The following SPOCK3 variants were observed in gnomAD, a reference collection of about 807,000 sequenced individuals.
SPOCK3 encodes the protein SPARC (osteonectin), cwcv and kazal like domains proteoglycan 3, also known as testican-3.
A neutral mutation model predicts 56.6 loss-of-function variants in SPOCK3; 30 were observed. That is an observed-to-expected ratio of 0.53 (90% confidence interval 0.40 to 0.72). The LOEUF (loss-of-function observed/expected upper bound fraction) is 0.72. Among genes scored for constraint, SPOCK3 ranks in the 30% least tolerant of loss-of-function variants. The pLI, the probability that SPOCK3 is intolerant of heterozygous loss-of-function variation, is 0.00. For synonymous variants in SPOCK3, 196 were observed against 183.3 expected (o/e 1.07, Z -0.56); for missense variants, 527 against 530.0 (o/e 0.99, Z 0.06).
intron 4 of SPOCK3, among the ~76,000 whole-genome samples, chr4:166,945,588 A>C (rs1741625540): frequency 6.6e-6 from 1 of 151,944 alleles, no homozygotes; most frequent in Non-Finnish European, 1.5e-5. Context: ...ATCACCACTT[A>C]TTTTCTCACC....
At chr4:167,109,471 ATATATT>A (rs1339128985) in intron 2 of SPOCK3, among the ~76,000 whole-genome samples, 1 of 103,478 alleles carries the variant, frequency 9.7e-6, no homozygotes, top group African/African-American at 3.5e-5. Flanking sequence ...TATAGTTATA[ATATATT>A]TATATAAAAT....
At chr4:167,001,802 G>T (rs914366592) in intron 3 of SPOCK3, among the ~76,000 whole-genome samples, 2 of 152,138 alleles carry the variant, frequency 1.3e-5, no homozygotes, top group African/African-American at 4.8e-5. Context: ...GGAATATGCA[G>T]AAGTATTTGG....
chr4:167,002,196 T>C (rs1749013472), intron 3 of SPOCK3, among the ~76,000 whole-genome samples: 1 of 152,106 alleles, frequency 6.6e-6, no homozygotes, highest in Non-Finnish European at 1.5e-5. Context: ...TGACCCGAAA[T>C]GATCCACCCA....
At chr4:167,095,988 C>G (rs1334963218) in intron 2 of SPOCK3, among the ~76,000 whole-genome samples, 2 of 151,446 alleles carry the variant, frequency 1.3e-5, no homozygotes, top group Non-Finnish European at 3.0e-5. Context: ...GAATTTGATT[C>G]TAAAGAAAAA....
intron 6 of SPOCK3, among the ~76,000 whole-genome samples, chr4:166,863,135 C>A (rs1487605456): frequency 6.6e-6 from 1 of 152,016 alleles, no homozygotes; most frequent in African/African-American, 2.4e-5. Context: ...CAATTTTCAA[C>A]CCAGAATTTC....
At chr4:166,851,465 G>A (rs1432116272) in intron 6 of SPOCK3, among the ~76,000 whole-genome samples, 1 of 152,228 alleles carries the variant, frequency 6.6e-6, no homozygotes, top group Non-Finnish European at 1.5e-5. Flanking sequence ...AAAGCTGGAC[G>A]GAGAATGACT....
At chr4:166,946,844 G>C (rs116507883) in intron 4 of SPOCK3, among the ~76,000 whole-genome samples, 3,297 of 152,202 alleles carry the variant, frequency 0.022, 49 homozygotes, top group Middle Eastern at 0.044. Context: ...ACAGTATCTG[G>C]CACATCGTAG....
intron 8 of SPOCK3, among the ~76,000 whole-genome samples, chr4:166,752,703 G>T (rs1736578954): frequency 1.3e-5 from 2 of 151,774 alleles, no homozygotes; most frequent in South Asian, 4.2e-4. Flanking sequence ...TAAATTAATG[G>T]TGATTTTTTA....
rs147015731 is a variant in SPOCK3, at chr4:166,847,647, TTATATATATATA to T, written c.589+41471_589+41482del. Among the ~76,000 whole-genome samples the T allele has an allele frequency of 3.7e-3, 204 of 55,410 alleles. 10 individuals carry two copies. Among genetic ancestry groups the T allele is most frequent in the Non-Finnish European group, 6.7e-3 (163 of 24,268 alleles). The allele number at this position is 55,410 out of a possible 152,430, so 36.4% of individuals were successfully genotyped here. ...CACAATTCAAAAGGAAAATCCTAGT[TTATATATATATA>T]TATATATATATATATATATATAAGA... On this transcript the variant is annotated intron_variant, in intron 6 of 10. Coordinates refer to ENST00000357545, the MANE Select transcript of SPOCK3 (RefSeq NM_001040159.2).
At chr4:167,205,427 TA>T (rs1734112986) in intron 2 of SPOCK3, among the ~76,000 whole-genome samples, 2 of 49,864 alleles carry the variant, frequency 4.0e-5, no homozygotes, top group Admixed American at 3.9e-4. Flanking sequence ...ATATATAATA[TA>T]TAATATATAA....
intron 8 of SPOCK3, among the ~76,000 whole-genome samples, chr4:166,743,707 A>C (rs544963770): frequency 2.6e-5 from 4 of 152,320 alleles, no homozygotes; most frequent in African/African-American, 9.6e-5. Flanking sequence ...TTCCCAGCCA[A>C]GGGAAGCCGT....
At chr4:167,091,867 T>C (rs1758730896) in intron 2 of SPOCK3, among the ~76,000 whole-genome samples, 1 of 152,132 alleles carries the variant, frequency 6.6e-6, no homozygotes, top group South Asian at 2.1e-4. Flanking sequence ...ATTATGTAAG[T>C]TTTTCTTCCC....
Position 166,735,044 on chromosome 4 carries a change from A to T in SPOCK3, c.1179T>A (p.His393Gln). The T allele has an allele frequency of 1.2e-6, 2 of 1,601,994 alleles. No individual in the cohort carries two copies. Among genetic ancestry groups the T allele is most frequent in the Non-Finnish European group, 1.7e-6 (2 of 1,170,714 alleles). Residue 393 changes from histidine to glutamine, a missense_variant, in exon 11 of 11, where the codon CAT becomes CAA. By Grantham distance (24) the His-to-Gln change is conservative. Coordinates refer to ENST00000357545, the MANE Select transcript of SPOCK3 (RefSeq NM_001040159.2). ...CATCATCCTCATCATCAGTCCATTCATGAAAATCGCCACTAGCAAAATCTC... is the reference window on the plus strand; with the variant it reads ...CATCATCCTCATCATCAGTCCATTCTTGAAAATCGCCACTAGCAAAATCTC... ...ISGDFASGDF[H>Q]EWTDDEDDED...
intron 8 of SPOCK3, among the ~76,000 whole-genome samples, chr4:166,743,570 T>A (rs1735156586): frequency 6.6e-6 from 1 of 152,180 alleles, no homozygotes; most frequent in South Asian, 2.1e-4. Context: ...TTTCTGCATT[T>A]CCAACTGAGG....
chr4:166,999,814 C>T (rs952045438), intron 4 of SPOCK3, among the ~76,000 whole-genome samples: 1 of 152,098 alleles, frequency 6.6e-6, no homozygotes, highest in East Asian at 1.9e-4. Flanking sequence ...GAAATCCTCC[C>T]TTCTTTTTTA....
At chr4:167,054,210 G>T (rs139148515) in intron 3 of SPOCK3, among the ~76,000 whole-genome samples, 1,867 of 152,286 alleles carry the variant, frequency 0.012, 22 homozygotes, top group Non-Finnish European at 0.018. Flanking sequence ...CAACTGTCAA[G>T]ATTCACTGCT....
At chr4:167,071,091 G>C (rs1756630233) in intron 2 of SPOCK3, among the ~76,000 whole-genome samples, 1 of 151,954 alleles carries the variant, frequency 6.6e-6, no homozygotes. Flanking sequence ...ATTTGTCTCT[G>C]AAAGTCTCTG....
At chr4:166,995,836 C>T (rs1748310738) in intron 4 of SPOCK3, among the ~76,000 whole-genome samples, 1 of 152,032 alleles carries the variant, frequency 6.6e-6, no homozygotes, top group South Asian at 2.1e-4. Context: ...TTAAATGTCT[C>T]TCAAGTATAA....
intron 6 of SPOCK3, among the ~76,000 whole-genome samples, chr4:166,802,011 G>A (rs1048571145): frequency 1.3e-5 from 2 of 152,072 alleles, no homozygotes; most frequent in African/African-American, 4.8e-5. Flanking sequence ...CTGTTCAATT[G>A]TGAGATATGT....
Sources: allele counts gnomAD v4.1 joint callset (sites outside exome capture counted in the v4.1 genomes callset), GRCh38; gene constraint gnomAD v4.1.1; transcripts MANE v1.5; gene names NCBI Gene and HGNC (gene_info 2026-07-23, HGNC 2026-07-21).